The following ZSWIM6 variants were observed in gnomAD, a reference collection of about 807,000 sequenced individuals.
The protein encoded by ZSWIM6 is zinc finger SWIM domain-containing protein 6.
Under a neutral mutation model 113.2 loss-of-function variants are expected in ZSWIM6, and 9 were observed. The observed-to-expected ratio is 0.08, with a 90% CI of 0.05 to 0.14. The LOEUF is 0.14. ZSWIM6 is among the 10% of genes least tolerant of loss of function. ZSWIM6 has a pLI of 1.00. For missense variants in ZSWIM6, 1,162 were observed against 1,552.2 expected, an observed-to-expected ratio of 0.75 and a Z score of 4.22; for synonymous variants, 611 against 606.5, an observed-to-expected ratio of 1.01 and a Z score of -0.11.
chr5:61,528,723 G>C (rs1749352049), intron 7 of ZSWIM6, among the ~76,000 whole-genome samples: 1 of 151,964 alleles, frequency 6.6e-6, no homozygotes, highest in Non-Finnish European at 1.5e-5. Context: ...GAGTAGCTGG[G>C]ATTATAGGCA....
intron 11 of ZSWIM6, 131 bp from the exon 12 acceptor site, chr5:61,539,465 T>C: frequency 9.1e-7 from 1 of 1,102,292 alleles, no homozygotes; most frequent in African/African-American, 1.6e-5. Context: ...GTAAATTAAC[T>C]TGTGCTTTAT....
At chr5:61,461,434 A>C (rs750286488) in intron 1 of ZSWIM6, among the ~76,000 whole-genome samples, 48 of 152,254 alleles carry the variant, frequency 3.2e-4, no homozygotes, top group Non-Finnish European at 6.3e-4. Context: ...CTAGAATTAC[A>C]TAATGGCTGA....
At chr5:61,454,630 G>C (rs1338794391) in intron 1 of ZSWIM6, among the ~76,000 whole-genome samples, 2 of 148,822 alleles carry the variant, frequency 1.3e-5, no homozygotes, top group African/African-American at 5.0e-5. Context: ...GCTGGAATGT[G>C]GAATGCAGTG....
At chr5:61,341,566 T>G (rs1421679084) in intron 1 of ZSWIM6, among the ~76,000 whole-genome samples, 1 of 152,194 alleles carries the variant, frequency 6.6e-6, no homozygotes, top group African/African-American at 2.4e-5. Flanking sequence ...TTGATGGCAT[T>G]AAGTGGAGGA....
At chr5:61,333,157 C>G (rs1455066504) in intron 1 of ZSWIM6, among the ~76,000 whole-genome samples, 1 of 151,878 alleles carries the variant, frequency 6.6e-6, no homozygotes, top group African/African-American at 2.4e-5. Flanking sequence ...CGGGCCAGCG[C>G]GAGTGGGAAA....
intron 1 of ZSWIM6, among the ~76,000 whole-genome samples, chr5:61,361,052 T>TTG (rs149630974): frequency 2.4e-4 from 37 of 151,792 alleles, no homozygotes; most frequent in Non-Finnish European, 4.4e-4. Context: ...GTCTTTTTCC[T>TTG]TGTGTGTGTG....
intron 1 of ZSWIM6, among the ~76,000 whole-genome samples, chr5:61,435,844 A>C (rs1427564678): frequency 6.6e-6 from 1 of 152,170 alleles, no homozygotes; most frequent in Non-Finnish European, 1.5e-5. Context: ...CCAGTTAAAA[A>C]TTATTTTCTG....
chr5:61,439,461 T>TGAA lies in ZSWIM6; in HGVS notation c.677-33219_677-33217dup, dbSNP rs574967077. 2.2e-3 allele frequency among the ~76,000 whole-genome samples: 330 copies of TGAA among 152,342 alleles called. 1 individual carries two copies. Among genetic ancestry groups the TGAA allele is most frequent in the African/African-American group, 7.8e-3 (326 of 41,588 alleles). The stretch of plus-strand genomic sequence containing the variant: ...AGCTAAAAGGCTGCTTTTTAAATTG[T>TGAA]GAAATATAAAGTACATGTAGAACAA... On this transcript the variant is annotated intron_variant, in intron 1 of 13. Transcript: ENST00000252744.
chr5:61,333,060 C>A, intron 1 of ZSWIM6, 112 bp downstream of exon 1: 1 of 1,017,362 alleles, frequency 9.8e-7, no homozygotes, highest in Non-Finnish European at 1.2e-6. Flanking sequence ...CGCCCGCACC[C>A]CTGCGGGTGT....
In ZSWIM6 at chr5:61,459,197, G is replaced by C. The variant is rs1747271848; in HGVS notation, c.677-13484G>C. ...TAAATCCTAAAGTTTAGCAACATAA[G>C]ATAATCATTTTTCATAAATAGCTTT... On this transcript the variant is annotated intron_variant, in intron 1 of 13. Coordinates refer to ENST00000252744, the MANE Select transcript of ZSWIM6 (RefSeq NM_020928.2). Among the ~76,000 whole-genome samples, 3 of 152,124 alleles carry C rather than the reference G, an allele frequency of 2.0e-5. No individual in the cohort carries two copies. In the South Asian group the frequency reaches 6.2e-4, roughly 31 times the overall value.
At position 61,372,150 on chromosome 5, in the gene ZSWIM6, A is replaced by G. The variant is rs184648207; in HGVS notation, c.676+39202A>G. ...TATATTAATTTTGGGGCATTATTGA[A>G]AAGAAATAATCATTCGTTTCCCTTT... On this transcript the variant is annotated intron_variant, in intron 1 of 13. Transcript: ENST00000252744. 1.8e-4 allele frequency among the ~76,000 whole-genome samples: 28 copies of G among 152,282 alleles called. 2 individuals carry two copies. The East Asian group carries it at 3.1e-3, about 17-fold the overall frequency.
chr5:61,420,552 TACTG>T (rs1484560693), intron 1 of ZSWIM6, among the ~76,000 whole-genome samples: 4 of 152,204 alleles, frequency 2.6e-5, no homozygotes, highest in African/African-American at 9.7e-5. Flanking sequence ...CCATGTTTTA[TACTG>T]ACTAAGTAGC....
intron 10 of ZSWIM6, among the ~76,000 whole-genome samples, chr5:61,536,999 T>C (rs1401551653): frequency 2.0e-5 from 3 of 152,246 alleles, no homozygotes; most frequent in African/African-American, 7.2e-5. Context: ...AGCTGTCTTA[T>C]GAAGACATAT....
chr5:61,378,531 CA>C (rs1240574812), intron 1 of ZSWIM6, among the ~76,000 whole-genome samples: 1 of 151,828 alleles, frequency 6.6e-6, no homozygotes, highest in Non-Finnish European at 1.5e-5. Context: ...AACTGAGGGA[CA>C]AGGACACCCT....
intron 1 of ZSWIM6, among the ~76,000 whole-genome samples, chr5:61,435,812 T>C (rs1746693454): frequency 6.6e-6 from 1 of 152,190 alleles, no homozygotes; most frequent in Admixed American, 6.5e-5. Flanking sequence ...TTTTTTGAAA[T>C]CTGATTTAAG....
intron 1 of ZSWIM6, among the ~76,000 whole-genome samples, chr5:61,377,814 C>A (rs547301638): frequency 6.6e-6 from 1 of 151,222 alleles, no homozygotes; most frequent in South Asian, 2.1e-4. Flanking sequence ...AAAATGTCAA[C>A]AAACCAATAA....
chr5:61,398,583 C>T (rs569905579), intron 1 of ZSWIM6, among the ~76,000 whole-genome samples: 1 of 152,254 alleles, frequency 6.6e-6, no homozygotes, highest in African/African-American at 2.4e-5. Context: ...ACTCTTGACC[C>T]TGGGCAAGTA....
intron 1 of ZSWIM6, among the ~76,000 whole-genome samples, chr5:61,346,170 G>A (rs939362359): frequency 6.6e-6 from 1 of 151,818 alleles, no homozygotes; most frequent in Non-Finnish European, 1.5e-5. Flanking sequence ...GGCTGGTCTC[G>A]AACTCCTGAC....
intron 1 of ZSWIM6, among the ~76,000 whole-genome samples, chr5:61,390,281 C>G (rs1411184119): frequency 6.6e-6 from 1 of 152,058 alleles, no homozygotes; most frequent in East Asian, 1.9e-4. Context: ...TGTAATTAAC[C>G]CATACTTTTT....
Sources: allele counts gnomAD v4.1 joint callset (sites outside exome capture counted in the v4.1 genomes callset), GRCh38; gene constraint gnomAD v4.1.1; transcripts MANE v1.5; gene names NCBI Gene and HGNC (gene_info 2026-07-23, HGNC 2026-07-21).